STAU1: variants seen among roughly 807,000 people sequenced by gnomAD.
The protein encoded by STAU1 is double-stranded RNA-binding protein Staufen homolog 1.
STAU1 carries 13 observed loss-of-function variants against 62.9 expected under a neutral mutation model. The observed-to-expected ratio is 0.21, with a 90% CI of 0.13 to 0.33. The LOEUF (loss-of-function observed/expected upper bound fraction) is 0.33. STAU1 is among the 10% of genes least tolerant of loss of function. STAU1 has a pLI of 1.00. For synonymous variants in STAU1, 269 were observed against 265.1 expected (o/e 1.01, Z -0.14); for missense variants, 571 against 712.1 (o/e 0.80, Z 2.25).
At chr20:49,163,419 CTTTTTTTTT>C (rs200864480) in intron 3 of STAU1, among the ~76,000 whole-genome samples, 72 of 82,402 alleles carry the variant, frequency 8.7e-4, no homozygotes, top group Admixed American at 9.0e-4. Flanking sequence ...GTGTTTAAAC[CTTTTTTTTT>C]TTTTTTTTTT....
chr20:49,216,317 G>A, the STAU1 span, among the ~76,000 whole-genome samples: 3 of 152,064 alleles, frequency 2.0e-5, no homozygotes, highest in Non-Finnish European at 2.9e-5. Flanking sequence ...CTTGAGGTCA[G>A]GAGCTCGAGA....
intron 6 of STAU1, among the ~76,000 whole-genome samples, chr20:49,125,690 C>CA (rs1216320339): frequency 6.6e-6 from 1 of 151,418 alleles, no homozygotes; most frequent in African/African-American, 2.4e-5. Context: ...ACTAAAAATA[C>CA]AAAAAAAATT....
intron 5 of STAU1, among the ~76,000 whole-genome samples, chr20:49,139,365 A>G (rs1568860706): frequency 6.6e-6 from 1 of 152,210 alleles, no homozygotes; most frequent in African/African-American, 2.4e-5. Context: ...AAGAACTACA[A>G]CTCAACAATA....
At chr20:49,178,675 C>T in intron 1 of STAU1, among the ~76,000 whole-genome samples, 1 of 151,928 alleles carries the variant, frequency 6.6e-6, no homozygotes, top group Non-Finnish European at 1.5e-5. Context: ...CACTTGAACC[C>T]GGGAGGCAGA....
intron 5 of STAU1, among the ~76,000 whole-genome samples, chr20:49,139,863 T>TA (rs1457429712): frequency 6.6e-6 from 1 of 152,034 alleles, no homozygotes; most frequent in Non-Finnish European, 1.5e-5. Context: ...AAAATGGTTG[T>TA]ACCAGATTTG....
chr20:49,161,542 G>A (rs536124746), intron 3 of STAU1, among the ~76,000 whole-genome samples: 1 of 152,234 alleles, frequency 6.6e-6, no homozygotes, highest in South Asian at 2.1e-4. Flanking sequence ...AAATGCACAA[G>A]CAGTATGGAC....
intron 2 of STAU1, among the ~76,000 whole-genome samples, chr20:49,172,784 T>C (rs938904424): frequency 2.0e-5 from 3 of 152,142 alleles, no homozygotes; most frequent in African/African-American, 7.2e-5. Flanking sequence ...TGTGCCTCAG[T>C]TTCCCCAAAA....
chr20:49,125,227 A>C (rs2092578594), intron 6 of STAU1, among the ~76,000 whole-genome samples: 2 of 137,574 alleles, frequency 1.5e-5, no homozygotes, highest in Non-Finnish European at 1.6e-5. Context: ...AAAAAAAACG[A>C]AGGATAAAAA....
chr20:49,210,185 T>TA, the STAU1 span, among the ~76,000 whole-genome samples: 67 of 152,226 alleles, frequency 4.4e-4, no homozygotes, highest in African/African-American at 1.5e-3. Context: ...CTTTAACCTT[T>TA]TTCCTGGGCT....
At chr20:49,196,458 A>G in the STAU1 span, among the ~76,000 whole-genome samples, 26 of 149,840 alleles carry the variant, frequency 1.7e-4, no homozygotes, top group Middle Eastern at 3.4e-3. Flanking sequence ...AAAAAAAAAA[A>G]AAGAAGAAGA....
chr20:49,187,015 G>GTGAA (rs1332827801), intron 1 of STAU1, among the ~76,000 whole-genome samples: 2 of 152,096 alleles, frequency 1.3e-5, no homozygotes, highest in Non-Finnish European at 2.9e-5. Context: ...ACAGGGAGGG[G>GTGAA]TGAATATAAG....
intron 1 of STAU1, among the ~76,000 whole-genome samples, chr20:49,175,839 G>A (rs1363342927): frequency 1.5e-5 from 2 of 134,824 alleles, no homozygotes; most frequent in Non-Finnish European, 1.5e-5. Flanking sequence ...CTGTCGTCCA[G>A]GCTGGAGTGC....
chr20:49,180,382 G>A (rs1012970747), intron 1 of STAU1, among the ~76,000 whole-genome samples: 8 of 150,852 alleles, frequency 5.3e-5, no homozygotes, highest in African/African-American at 1.2e-4. Flanking sequence ...GAAGTGCAGC[G>A]GCACGATGTC....
chr20:49,119,918 G>A (rs1185535237), intron 9 of STAU1, 64 bp downstream of exon 9: 2 of 1,560,642 alleles, frequency 1.3e-6, no homozygotes, highest in African/African-American at 2.7e-5. Flanking sequence ...GCCCCTGGAG[G>A]TGCCCCAGTT....
the STAU1 span, among the ~76,000 whole-genome samples, chr20:49,201,501 G>A: frequency 3.0e-4 from 45 of 152,210 alleles, no homozygotes; most frequent in Non-Finnish European, 5.0e-4. Flanking sequence ...CAGCACTTTG[G>A]GGGGCTGAGG....
At chr20:49,184,078 C>T (rs13039749) in intron 1 of STAU1, among the ~76,000 whole-genome samples, 31,583 of 151,806 alleles carry the variant, frequency 0.21, 3,367 homozygotes, top group Non-Finnish European at 0.23. Context: ...TACAGGTGCC[C>T]GCCACCCAGC....
intron 1 of STAU1, among the ~76,000 whole-genome samples, chr20:49,181,791 A>T (rs2093729328): frequency 6.8e-6 from 1 of 147,130 alleles, no homozygotes; most frequent in Non-Finnish European, 1.5e-5. Context: ...AAAAAAAAAA[A>T]AAAAAAGCAG....
At chr20:49,191,110 C>A (rs941652200), upstream of STAU1, among the ~76,000 whole-genome samples, 1 of 151,882 alleles carries the variant, frequency 6.6e-6, no homozygotes, top group African/African-American at 2.4e-5. Flanking sequence ...TCACTGCAAC[C>A]TCCACCTCCC....
In STAU1 at chr20:49,117,247, A is replaced by G. The variant is rs1017010633; in HGVS notation, c.1511T>C (p.Val504Ala). 2 of 1,614,102 alleles carry G rather than the reference A, an allele frequency of 1.2e-6. No homozygotes were observed. The highest frequency in any genetic ancestry group is 1.7e-6 in the Non-Finnish European group (2 of 1,179,974). ...DYLSRVQGFQ[V>A]EYKDFPKNNK... is the part of the protein sequence containing the mutation. ...GTTTTTGGGGAAGTCTTTGTATTCA[A>G]CCTAAGGGGGAAAAGAGAGCTGAGG... The change falls in exon 12 of 14, where the codon GTT (valine) becomes GCT (alanine). Residue 504 changes from valine to alanine, a missense_variant and splice_region_variant. Transcript: ENST00000371856. This position sits in a 1 kb window ranked among gnomAD's most constrained non-coding sequence, Gnocchi z 4.6.
Sources: allele counts gnomAD v4.1 joint callset (sites outside exome capture counted in the v4.1 genomes callset), GRCh38; gene constraint gnomAD v4.1.1; non-coding constraint Gnocchi (gnomAD v3.1); transcripts MANE v1.5; gene names NCBI Gene and HGNC (gene_info 2026-07-23, HGNC 2026-07-21).